PBDC1: variants seen among roughly 807,000 people sequenced by gnomAD.
PBDC1 encodes the protein protein PBDC1.
In PBDC1, 3 loss-of-function variants were observed where a neutral mutation model predicts 12.0. The ratio of observed to expected loss-of-function variants is 0.25; its 90% CI spans 0.11 to 0.64. The LOEUF (loss-of-function observed/expected upper bound fraction) is 0.64. Among genes scored for constraint, PBDC1 ranks in the 30% least tolerant of loss-of-function variants. The pLI is 0.84. For synonymous variants in PBDC1, 64 were observed against 56.4 expected, an observed-to-expected ratio of 1.13 and a Z score of -0.60; for missense variants, 162 against 168.1, an observed-to-expected ratio of 0.96 and a Z score of 0.20.
At chrX:76,175,376 G>T in intron 3 of PBDC1, 97 bp from the exon 4 acceptor site, 1 of 806,839 alleles carries the variant, frequency 1.2e-6, no homozygotes. Context: ...GAGATCTTCT[G>T]CCCTGAGAAC....
chrX:76,177,301 C>A (rs1420870410), intron 5 of PBDC1, among the ~76,000 whole-genome samples: 1 of 111,176 alleles, frequency 9.0e-6, no homozygotes, highest in Non-Finnish European at 1.9e-5. Context: ...GTAATACCAG[C>A]ACTTTGGGAG....
At chrX:76,176,234 A>G (rs1205448912) in intron 4 of PBDC1, among the ~76,000 whole-genome samples, 3 of 107,550 alleles carry the variant, frequency 2.8e-5, no homozygotes, top group Non-Finnish European at 3.8e-5. Flanking sequence ...GCTCACTGCA[A>G]CCTCCGCCTC....
At position 76,178,158 on chromosome X, in the gene PBDC1, T is replaced by A. The variant is rs1185206251; in HGVS notation, c.*250T>A. ...ACTGTTTCTTGGCTGACACTACTGGTCAAGTAAGAAATTTGTAAATAAATT... is the reference window on the plus strand; with the variant it reads ...ACTGTTTCTTGGCTGACACTACTGGACAAGTAAGAAATTTGTAAATAAATT... On this transcript the variant is annotated 3_prime_UTR_variant, in exon 6 of 6. Transcript: ENST00000373358. 2.6e-6 allele frequency: 1 copy of A among 382,830 alleles called. No individual in the cohort carries two copies. The highest frequency in any genetic ancestry group is 2.6e-5 in the African/African-American group (1 of 38,675). 31.5% of individuals were successfully genotyped at this position (382,830 alleles called of 1,213,427 possible).
chrX:76,176,524 A>C (rs1924797581), intron 4 of PBDC1, among the ~76,000 whole-genome samples: 1 of 112,239 alleles, frequency 8.9e-6, no homozygotes, highest in Non-Finnish European at 1.9e-5. Context: ...TCACTACTGA[A>C]TGGACTTCTT....
In PBDC1 at chrX:76,174,961, T is replaced by G. The variant is rs1556796794; in HGVS notation, c.156+12T>G. The G allele has an allele frequency of 9.7e-6, 11 of 1,136,316 alleles. No individual in the cohort carries two copies. The South Asian group carries it at 1.6e-4, about 17-fold the overall frequency. The allele number at this position is 1,136,316 out of a possible 1,213,427, so 93.6% of individuals were successfully genotyped here. On this transcript the variant is annotated intron_variant, in intron 3 of 5. Coordinates refer to ENST00000373358, the MANE Select transcript of PBDC1 (RefSeq NM_016500.5). ...AAGTCTATTACAAGGTGAGTTGTCT[T>G]TCTTCATCATTAAGCAGAATTAAAC...
rs1556796573 is a variant in PBDC1, at chrX:76,173,147, C to T, written c.9C>T (p.Ala3=). ...CTTTCGGGGGTTGCAAGATGGCGGC[C>T]ACCAGTGGAACTGATGAGCCGGTGA... The part of the protein sequence containing the change: MA[A]TSGTDEPVSG... Residue 3 remains alanine, a synonymous_variant, in exon 1 of 6, where the codon GCC becomes GCT. Coordinates refer to ENST00000373358, the MANE Select transcript of PBDC1 (RefSeq NM_016500.5). 1 of 1,179,845 alleles carries T rather than the reference C, an allele frequency of 8.5e-7. No individual in the cohort carries two copies. Among genetic ancestry groups the T allele is most frequent in the African/African-American group, 1.8e-5 (1 of 57,024 alleles).
intron 3 of PBDC1, 21 bp from the exon 4 acceptor site, chrX:76,175,452 T>C (rs781915944): frequency 1.9e-5 from 23 of 1,200,744 alleles, no homozygotes; most frequent in Non-Finnish European, 2.6e-5. Flanking sequence ...AGCATCTGTA[T>C]GTTGTCTTAC....
Position 76,177,648 on chromosome X carries a change from G to T in PBDC1, c.442G>T (p.Ala148Ser). ...PRIQFFAIEI[A>S]RNREGYNKAV... Reference sequence around the variant, plus strand: ...GATACAATTCTTTGCCATTGAAATTGCTCGGAACCGGGAAGGCTATAACAA... The same window carrying T: ...GATACAATTCTTTGCCATTGAAATTTCTCGGAACCGGGAAGGCTATAACAA... Residue 148 changes from alanine to serine, a missense_variant, in exon 6 of 6, where the codon GCT (alanine) becomes TCT (serine). By Grantham distance (99) the Ala-to-Ser change is moderately conservative. Around this residue, in one of 3 missense-constraint regions of PBDC1, gnomAD observed 100 missense variants for 96.2 expected, o/e 1.04. Transcript: ENST00000373358. 2.5e-6 allele frequency: 3 copies of T among 1,184,503 alleles called. No homozygotes were observed. Among genetic ancestry groups the T allele is most frequent in the Non-Finnish European group, 3.4e-6 (3 of 887,286 alleles).
intron 4 of PBDC1, among the ~76,000 whole-genome samples, chrX:76,176,139 G>GTTTTGTT (rs1239504905): frequency 2.2e-5 from 2 of 90,921 alleles, no homozygotes; most frequent in African/African-American, 8.0e-5. Flanking sequence ...TGTTTGTTTT[G>GTTTTGTT]TTTTGTTTTT....
At chrX:76,174,172 G>T (rs1924730685) in intron 2 of PBDC1, among the ~76,000 whole-genome samples, 1 of 112,266 alleles carries the variant, frequency 8.9e-6, no homozygotes, top group Non-Finnish European at 1.9e-5. Flanking sequence ...TCCCTAAGGG[G>T]CCAAGGCAGT....
Position 76,175,610 on chromosome X carries a change from A to C in PBDC1, c.294A>C (p.Lys98Asn). 1 of 1,180,009 alleles carries C rather than the reference A, an allele frequency of 8.5e-7. No homozygotes were observed. Among genetic ancestry groups the C allele is most frequent in the Non-Finnish European group, 1.1e-6 (1 of 879,806 alleles). ...AAGAACTCAAGTCAGAATCAGCCAAAGAGGTAAAAATTCTCTTTCTTAAAT... is the reference window on the plus strand; with the variant it reads ...AAGAACTCAAGTCAGAATCAGCCAACGAGGTAAAAATTCTCTTTCTTAAAT... Reference protein sequence around the residue: ...DPEELKSESAKEKWRPFCLKF... With the variant: ...DPEELKSESANEKWRPFCLKF... The change falls in exon 4 of 6, where the codon AAA becomes AAC. Residue 98 changes from lysine to asparagine, a missense_variant. Lys to Asn is a moderately conservative substitution (Grantham distance 94). Coordinates refer to ENST00000373358, the MANE Select transcript of PBDC1 (RefSeq NM_016500.5).
In PBDC1 at chrX:76,173,639, T is replaced by C. The variant is rs782524493; in HGVS notation, c.85T>C (p.Tyr29His). Residue 29 changes from tyrosine (Y) to histidine (H), a missense_variant, in exon 2 of 6, where the codon TAT (tyrosine) becomes CAT (histidine). Transcript: ENST00000373358. ...TGCGCTTTCTCTCCCAGCAGAGTCG[T>C]ATGGCAACGATGTGAGTATGACTCA... Reference protein sequence around the residue: ...AHALSLPAESYGNDPDIEMAW... With the variant: ...AHALSLPAESHGNDPDIEMAW... 1.1e-5 allele frequency: 13 copies of C among 1,188,818 alleles called. No homozygotes were observed. The highest frequency in any genetic ancestry group is 1.5e-5 in the Non-Finnish European group (13 of 882,979).
intron 4 of PBDC1, among the ~76,000 whole-genome samples, 163 bp from the exon 5 acceptor site, chrX:76,176,718 A>G (rs781796438): frequency 8.9e-6 from 1 of 111,905 alleles, no homozygotes; most frequent in Middle Eastern, 4.6e-3. Context: ...CACAATAGGT[A>G]GCACAGAAAC....
At chrX:76,174,763 A>C in intron 2 of PBDC1, 127 bp from the exon 3 acceptor site, 1 of 528,490 alleles carries the variant, frequency 1.9e-6, no homozygotes, top group Non-Finnish European at 3.3e-6. Context: ...AGTTTTTATC[A>C]TTTGACAGTA....
At chrX:76,173,982 G>C (rs1556796694) in intron 2 of PBDC1, among the ~76,000 whole-genome samples, 2 of 112,206 alleles carry the variant, frequency 1.8e-5, no homozygotes, top group African/African-American at 6.5e-5. Context: ...GGGTCTCTGA[G>C]GGATTCCATT....
At chrX:76,176,162 T>G (rs1924786204) in intron 4 of PBDC1, among the ~76,000 whole-genome samples, 1 of 108,582 alleles carries the variant, frequency 9.2e-6, no homozygotes, top group African/African-American at 3.4e-5. Flanking sequence ...TTTTTTGGTT[T>G]TTTTTTTTTG....
chrX:76,173,543 C>G lies in PBDC1; in HGVS notation c.31-42C>G, dbSNP rs781859026. 2 of 1,091,653 alleles carry G rather than the reference C, an allele frequency of 1.8e-6. 1 individual carries two copies. The highest frequency in any genetic ancestry group is 2.5e-6 in the Non-Finnish European group (2 of 811,002). The allele number at this position is 1,091,653 out of a possible 1,213,427, so 90.0% of individuals were successfully genotyped here. On this transcript the variant is annotated intron_variant, in intron 1 of 5. Coordinates refer to ENST00000373358, the MANE Select transcript of PBDC1 (RefSeq NM_016500.5). ...TGGCCTTGGGGGGAGCCACCGCGCC[C>G]GGCCTTGGGGGGAGCCTTGAACTCT...
In PBDC1 at chrX:76,177,006, C is replaced by T. The variant is rs781832608; in HGVS notation, c.409+14C>T. 2.7e-5 allele frequency: 30 copies of T among 1,094,316 alleles called. No homozygotes were observed. Among genetic ancestry groups the T allele is most frequent in the East Asian group, 3.0e-5 (1 of 33,201 alleles). The allele number at this position is 1,094,316 out of a possible 1,213,427, so 90.2% of individuals were successfully genotyped here. On this transcript the variant is annotated intron_variant, in intron 5 of 5. Coordinates refer to ENST00000373358, the MANE Select transcript of PBDC1 (RefSeq NM_016500.5). ...ACACCATCTTTGGTGAGTTTCTTCC[C>T]TCTGGAATTGTTTCTGTGTAAGGAG...
In PBDC1 at chrX:76,178,297, C is replaced by G. The variant is rs782182819; in HGVS notation, c.*389C>G. 3 of 208,420 alleles carry G rather than the reference C, an allele frequency of 1.4e-5. No homozygotes were observed. Among genetic ancestry groups the G allele is most frequent in the Non-Finnish European group, 2.6e-5 (3 of 114,580 alleles). 17.2% of individuals were successfully genotyped at this position (208,420 alleles called of 1,213,427 possible). On this transcript the variant is annotated 3_prime_UTR_variant, in exon 6 of 6. Coordinates refer to ENST00000373358, the MANE Select transcript of PBDC1 (RefSeq NM_016500.5). Reference sequence around the variant, plus strand: ...CATGTCTTATATAAGATAATTTACTCCTGTTTCTTACTGCTTCTCACTGTT... The same window carrying G: ...CATGTCTTATATAAGATAATTTACTGCTGTTTCTTACTGCTTCTCACTGTT...
Sources: gnomAD v4.1 joint callset for allele counts (sites outside exome capture counted in the v4.1 genomes callset) on GRCh38, gnomAD v4.1.1 for gene constraint, gnomAD v4.1.1 regional missense constraint, MANE v1.5 for transcripts, NCBI Gene and HGNC (gene_info 2026-07-23, HGNC 2026-07-21) for gene names.